The following NALF1 variants were observed in gnomAD, a reference collection of about 807,000 sequenced individuals.
The protein encoded by NALF1 is NALCN channel auxiliary factor 1, also known as family with sequence similarity 155 member A.
A neutral mutation model predicts 48.4 loss-of-function variants in NALF1; 3 were observed. That is an observed-to-expected ratio of 0.06 (90% CI 0.03 to 0.16). The LOEUF (loss-of-function observed/expected upper bound fraction) is 0.16, where lower values mean the gene tolerates loss of function less well. NALF1 is among the 10% of genes least tolerant of loss of function. The pLI is 1.00. For missense variants in NALF1, 526 were observed against 571.5 expected, an observed-to-expected ratio of 0.92 and a Z score of 0.81; for synonymous variants, 262 against 245.7, an observed-to-expected ratio of 1.07 and a Z score of -0.62.
At chr13:107,459,153 T>C (rs1884875349) in intron 1 of NALF1, among the ~76,000 whole-genome samples, 1 of 152,074 alleles carries the variant, frequency 6.6e-6, no homozygotes, top group African/African-American at 2.4e-5. Context: ...TTTGAAAATA[T>C]ACCTTTCTTA....
At chr13:107,296,211 T>C (rs1881721927) in intron 1 of NALF1, among the ~76,000 whole-genome samples, 1 of 152,216 alleles carries the variant, frequency 6.6e-6, no homozygotes, top group Non-Finnish European at 1.5e-5. Context: ...AAACATACAT[T>C]GCCAAAAGAG....
At chr13:107,295,399 G>A (rs552153029) in intron 1 of NALF1, among the ~76,000 whole-genome samples, 20 of 152,180 alleles carry the variant, frequency 1.3e-4, no homozygotes, top group African/African-American at 4.3e-4. Flanking sequence ...ATTGATGGAC[G>A]CCCAGGTTGA....
intron 1 of NALF1, among the ~76,000 whole-genome samples, chr13:107,559,082 T>C (rs1021012536): frequency 3.9e-5 from 6 of 152,176 alleles, no homozygotes; most frequent in Admixed American, 3.3e-4. Context: ...CAGATCTCTT[T>C]CTGTACATGC....
chr13:107,417,837 G>A (rs765484321), intron 1 of NALF1, among the ~76,000 whole-genome samples: 13 of 152,182 alleles, frequency 8.5e-5, no homozygotes, highest in Non-Finnish European at 1.2e-4. Context: ...GAGGCCAGCA[G>A]ATCACCTGAG....
At position 107,174,891 on chromosome 13, in the gene NALF1, C is replaced by CT. The variant is rs1025971670; in HGVS notation, c.1088-4106dup. Among the ~76,000 whole-genome samples, 120 of 143,316 alleles carry CT rather than the reference C, an allele frequency of 8.4e-4. 1 individual carries two copies. Among genetic ancestry groups the CT allele is most frequent in the East Asian group, 3.8e-3 (19 of 4,944 alleles). 94.0% of individuals were successfully genotyped at this position (143,316 alleles called of 152,430 possible). On this transcript the variant is annotated intron_variant, in intron 2 of 2. Coordinates refer to ENST00000375915, the MANE Select transcript of NALF1 (RefSeq NM_001080396.3). ...TCAACAATCTTTTCTTTTTCTTTTT[C>CT]TTTTTTTTTTGAGACGGAGTCTCGC...
chr13:107,369,128 G>A (rs962135260), intron 1 of NALF1, among the ~76,000 whole-genome samples: 3 of 152,088 alleles, frequency 2.0e-5, no homozygotes, highest in African/African-American at 7.2e-5. Flanking sequence ...AATTTCCATA[G>A]CCCCTTATGT....
chr13:107,818,871 C>CAAAAAAAAAAAAAAAAA (rs774372636), intron 1 of NALF1, among the ~76,000 whole-genome samples: 3 of 73,818 alleles, frequency 4.1e-5, no homozygotes, highest in Non-Finnish European at 6.1e-5. Flanking sequence ...GACTCCGTCT[C>CAAAAAAAAAAAAAAAAA]AAAAAAAAAA....
At position 107,688,620 on chromosome 13, in the gene NALF1, TAAAAC is replaced by T. The variant is rs1322036504; in HGVS notation, c.915+177057_915+177061del. 2.0e-5 allele frequency among the ~76,000 whole-genome samples: 3 copies of T among 152,098 alleles called. No individual in the cohort carries two copies. The East Asian group carries it at 5.8e-4, about 29-fold the overall frequency. On this transcript the variant is annotated intron_variant, in intron 1 of 2. Transcript: ENST00000375915. Reference sequence around the variant, plus strand: ...ATTCTAAAGCAGTTTTCCAATAAAATAAAACAAGACTTCTTTTTTTCTATATAGGA... The same window carrying T: ...ATTCTAAAGCAGTTTTCCAATAAAATAAGACTTCTTTTTTTCTATATAGGA...
intron 1 of NALF1, among the ~76,000 whole-genome samples, chr13:107,829,001 T>A (rs1188076508): frequency 6.6e-6 from 1 of 152,220 alleles, no homozygotes. Flanking sequence ...ATAAAACCTG[T>A]ATCCATTGTC....
intron 1 of NALF1, among the ~76,000 whole-genome samples, chr13:107,702,193 C>T (rs949779170): frequency 6.6e-6 from 1 of 152,010 alleles, no homozygotes; most frequent in Non-Finnish European, 1.5e-5. Flanking sequence ...GGTCCTTTCA[C>T]TTATTATTTG....
At chr13:107,393,254 C>T (rs1030336054) in intron 1 of NALF1, among the ~76,000 whole-genome samples, 5 of 152,000 alleles carry the variant, frequency 3.3e-5, no homozygotes, top group Non-Finnish European at 7.4e-5. Context: ...ATAGCTTATT[C>T]AGCTTTCCAA....
At chr13:107,229,147 T>C (rs1245800144) in intron 1 of NALF1, among the ~76,000 whole-genome samples, 1 of 152,146 alleles carries the variant, frequency 6.6e-6, no homozygotes, top group Non-Finnish European at 1.5e-5. Context: ...AGATAAAATA[T>C]AAACCACATT....
chr13:107,592,320 C>T (rs1878621813), intron 1 of NALF1, among the ~76,000 whole-genome samples: 4 of 151,840 alleles, frequency 2.6e-5, no homozygotes, highest in Admixed American at 2.6e-4. Flanking sequence ...CTGTGGAAAA[C>T]TTAATTCACT....
rs1454454003 is a variant in NALF1, at chr13:107,167,200, GA to G, written c.*3296del. 3 of 152,094 alleles carry G rather than the reference GA, an allele frequency of 2.0e-5. No homozygotes were observed. The highest frequency in any genetic ancestry group is 4.4e-5 in the Non-Finnish European group (3 of 68,032). 9.4% of individuals were successfully genotyped at this position (152,094 alleles called of 1,614,324 possible). ...TTTCTTGGTTTTCAACTTGCTTGCA[GA>G]AATAATTATTTTAATATTGTAGTTC... On this transcript the variant is annotated 3_prime_UTR_variant, in exon 3 of 3. Transcript: ENST00000375915.
chr13:107,783,023 C>G (rs1319727532), intron 1 of NALF1, among the ~76,000 whole-genome samples: 1 of 139,298 alleles, frequency 7.2e-6, no homozygotes, highest in African/African-American at 2.7e-5. Flanking sequence ...GGTGGGGGGT[C>G]AGCCCCCCGC....
At chr13:107,410,169 A>AT (rs528071832) in intron 1 of NALF1, among the ~76,000 whole-genome samples, 1 of 152,070 alleles carries the variant, frequency 6.6e-6, no homozygotes. Flanking sequence ...CTCAGGAAAG[A>AT]TTTTTTTCTT....
At chr13:107,333,866 C>A (rs1337931467) in intron 1 of NALF1, among the ~76,000 whole-genome samples, 1 of 152,104 alleles carries the variant, frequency 6.6e-6, no homozygotes, top group Non-Finnish European at 1.5e-5. Flanking sequence ...GTGGTATTTT[C>A]CTTGCTATTC....
intron 1 of NALF1, among the ~76,000 whole-genome samples, chr13:107,510,311 T>C (rs1200930405): frequency 6.6e-6 from 1 of 152,144 alleles, no homozygotes; most frequent in Non-Finnish European, 1.5e-5. Context: ...TTCATGATTC[T>C]GAAGAATTGC....
At chr13:107,516,996 C>T (rs1876074710) in intron 1 of NALF1, among the ~76,000 whole-genome samples, 1 of 152,230 alleles carries the variant, frequency 6.6e-6, no homozygotes, top group Admixed American at 6.5e-5. Flanking sequence ...TAGGATGGTG[C>T]CAGGCTATAG....
Sources: allele counts gnomAD v4.1 joint callset (sites outside exome capture counted in the v4.1 genomes callset), GRCh38; gene constraint gnomAD v4.1.1; transcripts MANE v1.5; gene names NCBI Gene and HGNC (gene_info 2026-07-23, HGNC 2026-07-21).